Variants in RAB3B observed in about 807,000 individuals in gnomAD.
The protein encoded by RAB3B is ras-related protein Rab-3B.
In RAB3B, 11 loss-of-function variants were observed where a neutral mutation model predicts 20.5. The observed-to-expected ratio is 0.54, with a 90% CI of 0.34 to 0.89. The LOEUF (loss-of-function observed/expected upper bound fraction) is 0.89, where lower values mean the gene tolerates loss of function less well. RAB3B is among the 40% of genes least tolerant of loss of function. The pLI, the probability that RAB3B is intolerant of heterozygous loss-of-function variation, is 0.02. For missense variants in RAB3B, 225 were observed against 280.9 expected (o/e 0.80, Z 1.42); for synonymous variants, 99 against 106.3 (o/e 0.93, Z 0.42).
Position 51,912,235 on chromosome 1 carries a change from C to G in RAB3B, c.*7692G>C, listed in dbSNP as rs569451569. ...GTATTCTTGACCTCCAGGGCTCAAT[C>G]GATCCTCCCACCTCAGCCTCCCAAG... On this transcript the variant is annotated 3_prime_UTR_variant, in exon 5 of 5. Coordinates refer to ENST00000371655, the MANE Select transcript of RAB3B (RefSeq NM_002867.4). The G allele has an allele frequency of 6.7e-6, 1 of 150,000 alleles. No homozygotes were observed. Among genetic ancestry groups the G allele is most frequent in the South Asian group, 2.1e-4 (1 of 4,742 alleles). The allele number at this position is 150,000 out of a possible 1,614,324, so 9.3% of individuals were successfully genotyped here. A position where few individuals can be genotyped will look rare whatever the true frequency, so the allele number is the denominator to read the frequency against.
chr1:51,908,074 C>T lies in RAB3B; in HGVS notation c.*11853G>A, dbSNP rs1683942946. On this transcript the variant is annotated 3_prime_UTR_variant, in exon 5 of 5. Transcript: ENST00000371655. ...CAGATCAACACAGAACAAGGAAACA[C>T]CATAGATATTTGTAAATGAGATCTT... 1 of 152,060 alleles carries T rather than the reference C, an allele frequency of 6.6e-6. No homozygotes were observed. The highest frequency in any genetic ancestry group is 2.4e-5 in the African/African-American group (1 of 41,412). The allele number at this position is 152,060 out of a possible 1,614,324, so 9.4% of individuals were successfully genotyped here.
rs577755005 is a variant in RAB3B at position 51,989,008 on chromosome 1, A to G, written c.-1+1544T>C. 1.6e-3 allele frequency among the ~76,000 whole-genome samples: 242 copies of G among 147,916 alleles called. 2 individuals carry two copies. The highest frequency in any genetic ancestry group is 2.6e-3 in the Non-Finnish European group (177 of 66,812). On this transcript the variant is annotated intron_variant, in intron 1 of 4. Transcript: ENST00000371655. The stretch of plus-strand genomic sequence containing the variant: ...TCTTCTCTGGCTCCCACAGGGCACC[A>G]GGGCTTTCCACTTCTATAGATAGGG...
Position 51,937,160 on chromosome 1 carries a change from T to C in RAB3B, c.347+134A>G. On this transcript the variant is annotated intron_variant, in intron 3 of 4. Transcript: ENST00000371655. ...CTGCTTATGGATCTGTCTTCTGCTCTCGTCTGTAAACTCCTGAGGCCAGTA... is the reference window on the plus strand; with the variant it reads ...CTGCTTATGGATCTGTCTTCTGCTCCCGTCTGTAAACTCCTGAGGCCAGTA... 6.3e-6 allele frequency: 4 copies of C among 631,320 alleles called. No individual in the cohort carries two copies. The South Asian group carries it at 7.5e-5, about 12-fold the overall frequency. 39.1% of individuals were successfully genotyped at this position (631,320 alleles called of 1,614,324 possible). A position where few individuals can be genotyped will look rare whatever the true frequency, so the allele number is the denominator to read the frequency against.
chr1:51,914,215 A>G lies in RAB3B; in HGVS notation c.*5712T>C, dbSNP rs941031062. ...TAGAGATATTCTTTCTCCTATCCTC[A>G]GTCTTCTTGGGGCATTTGTATTTGA... is the stretch of plus-strand genomic sequence containing the variant. On this transcript the variant is annotated 3_prime_UTR_variant, in exon 5 of 5. Transcript: ENST00000371655. 1 of 152,192 alleles carries G rather than the reference A, an allele frequency of 6.6e-6. No homozygotes were observed. The highest frequency in any genetic ancestry group is 1.5e-5 in the Non-Finnish European group (1 of 68,032). 9.4% of individuals were successfully genotyped at this position (152,192 alleles called of 1,614,324 possible).
chr1:51,937,523 G>T, intron 2 of RAB3B, 111 bp from the exon 3 acceptor site: 1 of 647,986 alleles, frequency 1.5e-6, no homozygotes, highest in Non-Finnish European at 2.5e-6. Context: ...TTGAGATGGA[G>T]TTTTGCTCTT....
chr1:51,955,562 G>C (rs1057303281), intron 2 of RAB3B, among the ~76,000 whole-genome samples: 5 of 152,160 alleles, frequency 3.3e-5, no homozygotes, highest in Non-Finnish European at 7.4e-5. Flanking sequence ...CAGCTACCCA[G>C]CTAATGTTTA....
At chr1:51,943,629 C>T (rs573392914) in intron 2 of RAB3B, among the ~76,000 whole-genome samples, 13 of 152,102 alleles carry the variant, frequency 8.5e-5, no homozygotes, top group Non-Finnish European at 1.2e-4. Context: ...GCTACTCTTG[C>T]GAACACATAA....
At chr1:51,965,572 G>A (rs544457622) in intron 2 of RAB3B, among the ~76,000 whole-genome samples, 18 of 151,916 alleles carry the variant, frequency 1.2e-4, no homozygotes, top group African/African-American at 3.6e-4. Context: ...GCTTGAACCC[G>A]GGAAGCGGAG....
chr1:51,968,055 C>T (rs1684880669), intron 2 of RAB3B, among the ~76,000 whole-genome samples: 2 of 151,966 alleles, frequency 1.3e-5, no homozygotes, highest in African/African-American at 4.8e-5. Context: ...GAAGATGTTC[C>T]ACTGCAGCTT....
rs1051538716 is a variant in RAB3B at position 51,990,655 on chromosome 1, G to C, written c.-104C>G. 6.6e-6 allele frequency: 1 copy of C among 152,308 alleles called. No individual in the cohort carries two copies. Among genetic ancestry groups the C allele is most frequent in the Admixed American group, 6.5e-5 (1 of 15,280 alleles). The allele number at this position is 152,308 out of a possible 1,614,324, so 9.4% of individuals were successfully genotyped here. On this transcript the variant is annotated 5_prime_UTR_variant, in exon 1 of 5. Coordinates refer to ENST00000371655, the MANE Select transcript of RAB3B (RefSeq NM_002867.4). ...GGAGGGGGCCGGGGCGGGGCGCTGC[G>C]GGATGGTCTGGTCCGGTCAGGTCCT... is the stretch of plus-strand genomic sequence containing the variant.
At chr1:51,922,729 C>T (rs1376029788) in intron 4 of RAB3B, among the ~76,000 whole-genome samples, 2 of 151,456 alleles carry the variant, frequency 1.3e-5, no homozygotes, top group East Asian at 3.9e-4. Flanking sequence ...CAGAGTCTTG[C>T]TCTGTCGCCC....
intron 4 of RAB3B, among the ~76,000 whole-genome samples, chr1:51,920,862 GTTTA>G (rs1475118634): frequency 6.6e-6 from 1 of 152,024 alleles, no homozygotes; most frequent in Non-Finnish European, 1.5e-5. Context: ...AGCCACACTG[GTTTA>G]TTTCCACTCA....
Position 51,912,578 on chromosome 1 carries a change from TATATATATATATATATATATATAA to T in RAB3B, c.*7325_*7348del, listed in dbSNP as rs1429231215. The T allele has an allele frequency of 7.3e-4, 18 of 24,634 alleles. 6 individuals are homozygous for T. In the East Asian group the frequency reaches 0.022, roughly 30 times the overall value. The allele number at this position is 24,634 out of a possible 1,614,324, so 1.5% of individuals were successfully genotyped here. A position where few individuals can be genotyped will look rare whatever the true frequency, so the allele number is the denominator to read the frequency against. ...AAATATATATATATATATATATATA[TATATATATATATATATATATATAA>T]AAAATGTTACTCCTGTGAGACAGAA... On this transcript the variant is annotated 3_prime_UTR_variant, in exon 5 of 5. Coordinates refer to ENST00000371655, the MANE Select transcript of RAB3B (RefSeq NM_002867.4).
At chr1:51,948,877 C>G (rs1684598127) in intron 2 of RAB3B, among the ~76,000 whole-genome samples, 1 of 152,212 alleles carries the variant, frequency 6.6e-6, no homozygotes, top group East Asian at 1.9e-4. Context: ...TATTGCATCT[C>G]CAGTGCATGC....
intron 1 of RAB3B, among the ~76,000 whole-genome samples, chr1:51,983,688 C>T (rs904860424): frequency 2.0e-5 from 3 of 151,958 alleles, no homozygotes; most frequent in Non-Finnish European, 4.4e-5. Context: ...GGCCAGGTGC[C>T]GTGGCTCAGG....
intron 4 of RAB3B, among the ~76,000 whole-genome samples, chr1:51,926,403 T>C (rs1401804915): frequency 1.3e-5 from 2 of 152,172 alleles, no homozygotes; most frequent in Admixed American, 6.5e-5. Flanking sequence ...CCCCACTCCA[T>C]TGACATCGAG....
chr1:51,938,647 A>G (rs1333802195), intron 2 of RAB3B, among the ~76,000 whole-genome samples: 1 of 151,792 alleles, frequency 6.6e-6, no homozygotes, highest in Non-Finnish European at 1.5e-5. Flanking sequence ...AAGAGACAAG[A>G]ATTACTGAGA....
intron 2 of RAB3B, among the ~76,000 whole-genome samples, chr1:51,967,564 C>T (rs1173693111): frequency 4.4e-5 from 3 of 67,964 alleles, no homozygotes; most frequent in Non-Finnish European, 6.0e-5. Flanking sequence ...CTCTGTCACC[C>T]AGGCTGGAGT....
At chr1:51,921,904 G>T (rs1304943967) in intron 4 of RAB3B, among the ~76,000 whole-genome samples, 1 of 152,042 alleles carries the variant, frequency 6.6e-6, no homozygotes, top group Admixed American at 6.5e-5. Flanking sequence ...ACCATCCATA[G>T]AGAGGGCTGA....
Sources: gnomAD v4.1 joint callset for allele counts (sites outside exome capture counted in the v4.1 genomes callset) on GRCh38, gnomAD v4.1.1 for gene constraint, MANE v1.5 for transcripts, NCBI Gene and HGNC (gene_info 2026-07-23, HGNC 2026-07-21) for gene names.